The following MALRD1 variants were observed in gnomAD, a reference collection of about 807,000 sequenced individuals.
MALRD1 encodes MAM and LDL-receptor class A domain-containing protein 1.
A neutral mutation model predicts 242.1 loss-of-function variants in MALRD1; 247 were observed. That is an observed-to-expected ratio of 1.02 (90% CI 0.92 to 1.13). The LOEUF is 1.13. Ranked by LOEUF, MALRD1 falls within the 50% of genes most tolerant of loss-of-function variation. The pLI, the probability that MALRD1 is intolerant of heterozygous loss-of-function variation, is 0.00. For missense variants in MALRD1, 2,989 were observed against 2,533.1 expected (o/e 1.18, Z -3.86); for synonymous variants, 995 against 866.6 (o/e 1.15, Z -2.60).
At chr10:19,326,070 A>T (rs547501089) in intron 22 of MALRD1, among the ~76,000 whole-genome samples, 57 of 152,284 alleles carry the variant, frequency 3.7e-4, no homozygotes, top group Non-Finnish European at 6.6e-4. Flanking sequence ...TTCGTTCTGA[A>T]AACAGTTAAA....
rs1834582939 is a variant in MALRD1 at position 19,534,824 on chromosome 10, T to C, written c.5478+3473T>C. Among the ~76,000 whole-genome samples the C allele has an allele frequency of 5.3e-5, 8 of 152,108 alleles. No homozygotes were observed. The South Asian group carries it at 1.7e-3, about 31-fold the overall frequency. Reference sequence around the variant, plus strand: ...ATATTTTATATCTAGAAATTTATTGTAATGAAATAAAGATAGATATATATA... The same window carrying C: ...ATATTTTATATCTAGAAATTTATTGCAATGAAATAAAGATAGATATATATA... On this transcript the variant is annotated intron_variant, in intron 32 of 39. Transcript: ENST00000454679.
At chr10:19,593,667 A>G (rs1304526151) in intron 33 of MALRD1, among the ~76,000 whole-genome samples, 1 of 152,206 alleles carries the variant, frequency 6.6e-6, no homozygotes, top group African/African-American at 2.4e-5. Context: ...ATATGTTCAC[A>G]TACATTCTCT....
intron 18 of MALRD1, among the ~76,000 whole-genome samples, chr10:19,231,636 C>A (rs188526571): frequency 1.3e-5 from 2 of 152,270 alleles, no homozygotes; most frequent in African/African-American, 4.8e-5. Flanking sequence ...TTCTCTGCTA[C>A]CATTTAAGAT....
At chr10:19,213,629 T>C (rs1420892684) in intron 18 of MALRD1, among the ~76,000 whole-genome samples, 1 of 152,234 alleles carries the variant, frequency 6.6e-6, no homozygotes, top group African/African-American at 2.4e-5. Flanking sequence ...GGCATCTTGA[T>C]TTACTCTGGA....
intron 28 of MALRD1, among the ~76,000 whole-genome samples, chr10:19,392,421 C>T (rs1043975906): frequency 3.3e-5 from 5 of 152,128 alleles, no homozygotes; most frequent in African/African-American, 1.2e-4. Context: ...GATCTATACA[C>T]ATTGCATAGA....
intron 36 of MALRD1, among the ~76,000 whole-genome samples, chr10:19,662,445 T>C (rs2131736289): frequency 6.6e-6 from 1 of 152,300 alleles, no homozygotes; most frequent in East Asian, 1.9e-4. Context: ...CCATTTGTTA[T>C]TTAACAAAAT....
chr10:19,685,701 T>C (rs1842554331), intron 36 of MALRD1, among the ~76,000 whole-genome samples: 1 of 152,172 alleles, frequency 6.6e-6, no homozygotes, highest in Non-Finnish European at 1.5e-5. Flanking sequence ...CTAGGCTGCT[T>C]ATTGTAGCAG....
chr10:19,694,769 A>C (rs943700681), intron 38 of MALRD1, among the ~76,000 whole-genome samples: 1 of 152,238 alleles, frequency 6.6e-6, no homozygotes, highest in African/African-American at 2.4e-5. Context: ...AGACACATGC[A>C]CATGTACGTT....
At chr10:19,581,881 G>T (rs1309715057) in intron 33 of MALRD1, among the ~76,000 whole-genome samples, 1 of 152,094 alleles carries the variant, frequency 6.6e-6, no homozygotes, top group Non-Finnish European at 1.5e-5. Flanking sequence ...TCCAGCACCT[G>T]TTGTTTCCTG....
At chr10:19,306,109 A>AC (rs1842176474) in intron 21 of MALRD1, among the ~76,000 whole-genome samples, 1 of 110,632 alleles carries the variant, frequency 9.0e-6, no homozygotes, top group Non-Finnish European at 1.7e-5. Context: ...TAGATAGTAT[A>AC]TATATACTAT....
intron 36 of MALRD1, among the ~76,000 whole-genome samples, chr10:19,620,231 C>T (rs77933135): frequency 0.042 from 6,354 of 151,772 alleles, 406 homozygotes; most frequent in African/African-American, 0.14. Context: ...GGTTTGTTGT[C>T]TCAGAGGTGT....
intron 26 of MALRD1, among the ~76,000 whole-genome samples, chr10:19,352,833 G>A (rs1377377015): frequency 6.6e-6 from 1 of 151,990 alleles, no homozygotes; most frequent in Non-Finnish European, 1.5e-5. Flanking sequence ...TGTTGAGTTG[G>A]CAGATGTTCA....
chr10:19,512,873 G>A (rs1471586686), intron 31 of MALRD1, among the ~76,000 whole-genome samples: 1 of 152,038 alleles, frequency 6.6e-6, no homozygotes, highest in Non-Finnish European at 1.5e-5. Flanking sequence ...GATTCATGGA[G>A]TGCATAGTTT....
chr10:19,242,663 C>A lies in MALRD1; in HGVS notation c.2992-15021C>A, dbSNP rs774390186. On this transcript the variant is annotated intron_variant, in intron 18 of 39. Transcript: ENST00000454679. Reference sequence around the variant, plus strand: ...TGTTATGTCCTCTTATTGAATTGGGCCTTTTGTCATTATACAGTGACATTC... The same window carrying A: ...TGTTATGTCCTCTTATTGAATTGGGACTTTTGTCATTATACAGTGACATTC... Among the ~76,000 whole-genome samples, 8 of 151,982 alleles carry A rather than the reference C, an allele frequency of 5.3e-5. No homozygotes were observed. The South Asian group carries it at 1.7e-3, about 32-fold the overall frequency.
In MALRD1 at chr10:19,638,296, G is replaced by A. The variant is rs761651892; in HGVS notation, c.6137+22373G>A. On this transcript the variant is annotated intron_variant, in intron 36 of 39. Transcript: ENST00000454679. ...TCCATGAATTATATAAACATGTCAA[G>A]TATGTTACAGACACAGGGAAAACAA... Among the ~76,000 whole-genome samples the A allele has an allele frequency of 5.9e-5, 9 of 151,906 alleles. 1 individual carries two copies. In the South Asian group the frequency reaches 1.5e-3, roughly 25 times the overall value.
At chr10:19,479,462 A>G (rs536252268) in intron 29 of MALRD1, among the ~76,000 whole-genome samples, 1 of 152,222 alleles carries the variant, frequency 6.6e-6, no homozygotes, top group Non-Finnish European at 1.5e-5. Flanking sequence ...GTGCCAAAGC[A>G]TGTATTCTGG....
chr10:19,653,137 T>C (rs1840971428), intron 36 of MALRD1, among the ~76,000 whole-genome samples: 1 of 152,218 alleles, frequency 6.6e-6, no homozygotes, highest in Non-Finnish European at 1.5e-5. Flanking sequence ...CTTTCATCCC[T>C]GAGCAGCTGG....
intron 14 of MALRD1, among the ~76,000 whole-genome samples, chr10:19,190,440 TAGAA>T (rs1362081047): frequency 2.0e-5 from 3 of 152,006 alleles, no homozygotes; most frequent in Non-Finnish European, 4.4e-5. Context: ...TTAGCTGAAA[TAGAA>T]AGTAAGTTCA....
At chr10:19,549,978 A>C (rs1324222555) in intron 32 of MALRD1, among the ~76,000 whole-genome samples, 1 of 152,206 alleles carries the variant, frequency 6.6e-6, no homozygotes. Context: ...TATCACAAAT[A>C]ATCACCAACC....
Sources: gnomAD v4.1 joint callset for allele counts (sites outside exome capture counted in the v4.1 genomes callset) on GRCh38, gnomAD v4.1.1 for gene constraint, MANE v1.5 for transcripts, NCBI Gene and HGNC (gene_info 2026-07-23, HGNC 2026-07-21) for gene names.